Variants in PAK5 observed in about 807,000 individuals in gnomAD.
PAK5 encodes the protein serine/threonine-protein kinase PAK 5.
A neutral mutation model predicts 65.9 loss-of-function variants in PAK5; 16 were observed. The ratio of observed to expected loss-of-function variants is 0.24; its 90% CI spans 0.16 to 0.37. The LOEUF is 0.37. Among genes scored for constraint, PAK5 ranks in the 10% least tolerant of loss-of-function variants. The pLI is 1.00. For missense variants in PAK5, 785 were observed against 903.9 expected, an observed-to-expected ratio of 0.87 and a Z score of 1.69; for synonymous variants, 371 against 354.9, an observed-to-expected ratio of 1.05 and a Z score of -0.51.
chr20:9,566,466 G>GCT, intron 4 of PAK5, 82 bp from the exon 5 acceptor site: 1 of 1,355,508 alleles, frequency 7.4e-7, no homozygotes, highest in Non-Finnish European at 1.0e-6. Context: ...CTGACTGACA[G>GCT]CTGGCAGAAT....
intron 2 of PAK5, among the ~76,000 whole-genome samples, chr20:9,664,048 TG>T (rs2047380475): frequency 6.6e-6 from 1 of 152,138 alleles, no homozygotes; most frequent in African/African-American, 2.4e-5. Flanking sequence ...TACGAATAAG[TG>T]CATATTTTAC....
intron 3 of PAK5, among the ~76,000 whole-genome samples, chr20:9,637,789 C>A (rs2047000672): frequency 6.6e-6 from 1 of 152,112 alleles, no homozygotes; most frequent in South Asian, 2.1e-4. Flanking sequence ...TTGTATAATT[C>A]TACCTGAAAA....
intron 1 of PAK5, among the ~76,000 whole-genome samples, chr20:9,761,200 C>T (rs1331325758): frequency 6.6e-6 from 1 of 152,104 alleles, no homozygotes; most frequent in Non-Finnish European, 1.5e-5. Flanking sequence ...TAAATATCAT[C>T]TTCCAGGCCT....
intron 1 of PAK5, among the ~76,000 whole-genome samples, chr20:9,715,592 C>G (rs1228962831): frequency 1.3e-5 from 2 of 152,090 alleles, no homozygotes; most frequent in Admixed American, 6.5e-5. Flanking sequence ...AAGACACATG[C>G]ACACGTATGT....
At chr20:9,681,234 G>T (rs573164985) in intron 2 of PAK5, among the ~76,000 whole-genome samples, 3 of 151,772 alleles carry the variant, frequency 2.0e-5, no homozygotes, top group Admixed American at 6.6e-5. Flanking sequence ...TTTTTGCATG[G>T]TCTCTTTTAT....
At chr20:9,731,387 T>A (rs1159375743) in intron 1 of PAK5, among the ~76,000 whole-genome samples, 2 of 152,208 alleles carry the variant, frequency 1.3e-5, no homozygotes, top group African/African-American at 4.8e-5. Context: ...TCACTCATTT[T>A]TTTCATAATA....
rs148592228 is a variant in PAK5 at position 9,551,047 on chromosome 20, T to C, written c.1744-6553A>G. Among the ~76,000 whole-genome samples the C allele has an allele frequency of 3.1e-3, 471 of 152,222 alleles. 1 individual carries two copies. The highest frequency in any genetic ancestry group is 5.3e-3 in the Non-Finnish European group (362 of 68,010). ...GCAATTGAAACTCGACACTTGGAAGTGAGGCCTGTTCTGCTGCTGTAGGAG... is the reference window on the plus strand; with the variant it reads ...GCAATTGAAACTCGACACTTGGAAGCGAGGCCTGTTCTGCTGCTGTAGGAG... On this transcript the variant is annotated intron_variant, in intron 7 of 9. Transcript: ENST00000353224.
At chr20:9,817,323 G>T (rs1462928077) in intron 1 of PAK5, among the ~76,000 whole-genome samples, 4 of 152,072 alleles carry the variant, frequency 2.6e-5, no homozygotes, top group African/African-American at 9.7e-5. Context: ...AAGAGCTTCA[G>T]GTACCAGCAA....
chr20:9,799,242 C>T (rs368441578), intron 1 of PAK5, among the ~76,000 whole-genome samples: 16 of 152,238 alleles, frequency 1.1e-4, no homozygotes, highest in East Asian at 3.9e-4. Context: ...ATCCATAGGG[C>T]AAAAGAGGCC....
intron 1 of PAK5, among the ~76,000 whole-genome samples, chr20:9,834,480 C>T (rs990463080): frequency 6.6e-6 from 1 of 152,132 alleles, no homozygotes; most frequent in African/African-American, 2.4e-5. Flanking sequence ...AATTTACCTC[C>T]AGAGATAATG....
intron 2 of PAK5, among the ~76,000 whole-genome samples, chr20:9,647,094 A>G (rs1458943741): frequency 6.6e-6 from 1 of 152,184 alleles, no homozygotes; most frequent in Non-Finnish European, 1.5e-5. Context: ...GATGCTTGCC[A>G]TTTTTAGGTT....
chr20:9,802,896 T>G (rs979139616), intron 1 of PAK5, among the ~76,000 whole-genome samples: 3 of 13,526 alleles, frequency 2.2e-4, no homozygotes, highest in African/African-American at 7.9e-4. Context: ...TTCTGTACTA[T>G]TGTATATGTA....
intron 3 of PAK5, among the ~76,000 whole-genome samples, chr20:9,597,164 C>A (rs2046284433): frequency 6.6e-6 from 1 of 152,212 alleles, no homozygotes; most frequent in Non-Finnish European, 1.5e-5. Context: ...TTCACCAAAT[C>A]ACTTTCCCTT....
chr20:9,732,996 C>T (rs1175018727), intron 1 of PAK5, among the ~76,000 whole-genome samples: 1 of 152,088 alleles, frequency 6.6e-6, no homozygotes, highest in African/African-American at 2.4e-5. Flanking sequence ...ATAAACATAA[C>T]ACTTTGTTTG....
In PAK5 at chr20:9,646,085, A is replaced by G. The variant is rs555330672; in HGVS notation, c.-11-1746T>C. On this transcript the variant is annotated intron_variant, in intron 2 of 9. Transcript: ENST00000353224. ...ACAAAATATTTGTTGATGGACTAAA[A>G]TCACCCTGAACAGCACATTTATTCA... is the stretch of plus-strand genomic sequence containing the variant. Among the ~76,000 whole-genome samples, 28 of 152,300 alleles carry G rather than the reference A, an allele frequency of 1.8e-4. 1 individual carries two copies. Among genetic ancestry groups the G allele is most frequent in the African/African-American group, 6.5e-4 (27 of 41,562 alleles).
Position 9,767,027 on chromosome 20 carries a change from G to A in PAK5, c.-161-55592C>T, listed in dbSNP as rs1382101775. 2.0e-5 allele frequency among the ~76,000 whole-genome samples: 3 copies of A among 151,878 alleles called. No individual in the cohort carries two copies. The East Asian group carries it at 5.8e-4, about 29-fold the overall frequency. On this transcript the variant is annotated intron_variant, in intron 1 of 9. Transcript: ENST00000353224. ...ATGCCTGACCATGGCCCCCACGTTC[G>A]GCCAAAATACACAGACCTGAGGGTA...
At chr20:9,607,343 C>T (rs2046473428) in intron 3 of PAK5, among the ~76,000 whole-genome samples, 1 of 152,038 alleles carries the variant, frequency 6.6e-6, no homozygotes, top group African/African-American at 2.4e-5. Context: ...AGTGCCAAGG[C>T]CAATATAAAG....
intron 7 of PAK5, among the ~76,000 whole-genome samples, chr20:9,556,853 C>T (rs2122952174): frequency 6.6e-6 from 1 of 152,250 alleles, no homozygotes; most frequent in African/African-American, 2.4e-5. Flanking sequence ...CCTATATTGA[C>T]TGCATTTTGG....
At chr20:9,570,590 C>T (rs1344601307) in intron 4 of PAK5, among the ~76,000 whole-genome samples, 1 of 114,460 alleles carries the variant, frequency 8.7e-6, no homozygotes, top group Non-Finnish European at 1.7e-5. Context: ...TCAATAAGCT[C>T]CAGATTAGTC....
Sources: allele counts gnomAD v4.1 joint callset (sites outside exome capture counted in the v4.1 genomes callset), GRCh38; gene constraint gnomAD v4.1.1; transcripts MANE v1.5; gene names NCBI Gene and HGNC (gene_info 2026-07-23, HGNC 2026-07-21).